Variants in ZNF148 observed in about 807,000 individuals in gnomAD.
ZNF148 encodes Beta-Enolase Repressor Factor-1.
Under a neutral mutation model 67.7 loss-of-function variants are expected in ZNF148, and 7 were observed. That is an observed-to-expected ratio of 0.10 (90% CI 0.06 to 0.19). The LOEUF (loss-of-function observed/expected upper bound fraction) is 0.19, where lower values mean the gene tolerates loss of function less well. ZNF148 is among the 10% of genes least tolerant of loss of function. The pLI is 1.00. For missense variants in ZNF148, 583 were observed against 947.1 expected (o/e 0.62, Z 5.05); for synonymous variants, 333 against 330.7 (o/e 1.01, Z -0.08).
At chr3:125,252,442 G>A (rs1330047485) in intron 7 of ZNF148, among the ~76,000 whole-genome samples, 1 of 152,002 alleles carries the variant, frequency 6.6e-6, no homozygotes, top group Non-Finnish European at 1.5e-5. Context: ...GTGTAAGATA[G>A]AAAGTCAAGA....
chr3:125,319,135 G>A (rs1028030171), intron 3 of ZNF148, among the ~76,000 whole-genome samples: 2 of 152,118 alleles, frequency 1.3e-5, no homozygotes, highest in African/African-American at 2.4e-5. Flanking sequence ...TAAAAAGAAC[G>A]TAAATTATCT....
intron 5 of ZNF148, among the ~76,000 whole-genome samples, chr3:125,282,388 G>C (rs1938439164): frequency 6.6e-6 from 1 of 152,076 alleles, no homozygotes; most frequent in Non-Finnish European, 1.5e-5. Flanking sequence ...CATTACAACT[G>C]AAGAATTTTA....
At chr3:125,375,352 G>T (rs976772002), upstream of ZNF148, 1 of 152,516 alleles carries the variant, frequency 6.6e-6, no homozygotes, top group Non-Finnish European at 1.5e-5. Context: ...CGCCGCGGTC[G>T]CCGCCACTGC....
chr3:125,357,224 G>T lies in ZNF148; in HGVS notation c.-234+17878C>A, dbSNP rs372760591. 2.0e-5 allele frequency: 3 copies of T among 152,780 alleles called. No individual in the cohort carries two copies. In the East Asian group the frequency reaches 5.8e-4, roughly 29 times the overall value. The allele number at this position is 152,780 out of a possible 1,614,324, so 9.5% of individuals were successfully genotyped here. ...TCTGGGAGGTCCGGCCGCCGCAGACGACCCCGCCGAGGCCCAAAGTGCGCC... is the reference window on the plus strand; with the variant it reads ...TCTGGGAGGTCCGGCCGCCGCAGACTACCCCGCCGAGGCCCAAAGTGCGCC... On this transcript the variant is annotated intron_variant, in intron 1 of 8. Transcript: ENST00000360647.
rs75142525 is a variant in ZNF148 at position 125,246,192 on chromosome 3, G to A, written c.668-11863C>T. Among the ~76,000 whole-genome samples, 821 of 152,210 alleles carry A rather than the reference G, an allele frequency of 5.4e-3. 6 individuals carry two copies. The highest frequency in any genetic ancestry group is 0.019 in the African/African-American group (775 of 41,522). On this transcript the variant is annotated intron_variant, in intron 7 of 8. Coordinates refer to ENST00000360647, the MANE Select transcript of ZNF148 (RefSeq NM_021964.3). ...ATGTGAAAATTATTTTAATAATAAA[G>A]GGTCTTCATAAAATCTGGGTGAAAA...
intron 2 of ZNF148, among the ~76,000 whole-genome samples, chr3:125,327,500 A>C (rs75508621): frequency 7.9e-5 from 12 of 152,336 alleles, no homozygotes; most frequent in Non-Finnish European, 1.6e-4. Context: ...AAGTCTCACT[A>C]AACTTAAATG....
intron 7 of ZNF148, among the ~76,000 whole-genome samples, chr3:125,258,102 T>C (rs1456748316): frequency 8.1e-6 from 1 of 124,100 alleles, no homozygotes; most frequent in Non-Finnish European, 1.8e-5. Context: ...TCATATATAC[T>C]GTGGTAACTG....
chr3:125,367,993 G>A (rs1367444104), intron 1 of ZNF148, among the ~76,000 whole-genome samples: 1 of 152,156 alleles, frequency 6.6e-6, no homozygotes, highest in African/African-American at 2.4e-5. Flanking sequence ...CAGACTCTAG[G>A]TTCACTTTAG....
intron 7 of ZNF148, among the ~76,000 whole-genome samples, chr3:125,271,357 C>T (rs1937724233): frequency 6.6e-6 from 1 of 152,194 alleles, no homozygotes. Flanking sequence ...TCCGGTCTTA[C>T]CCCTACACCC....
rs1935974095 is a variant in ZNF148 at position 125,234,064 on chromosome 3, T to C, written c.787-125A>G. ...AATAACATACATAATTCCAAACAAA[T>C]TCACTGAGCCAATTTTCTATTATAA... On this transcript the variant is annotated intron_variant, in intron 8 of 8. Transcript: ENST00000360647. 3 of 1,322,720 alleles carry C rather than the reference T, an allele frequency of 2.3e-6. No individual in the cohort carries two copies. The South Asian group carries it at 4.6e-5, about 20-fold the overall frequency. 81.9% of individuals were successfully genotyped at this position (1,322,720 alleles called of 1,614,324 possible).
In ZNF148 at chr3:125,288,036, T is replaced by G. The variant is rs887609920; in HGVS notation, c.459+67A>C. On this transcript the variant is annotated intron_variant, in intron 5 of 8. Transcript: ENST00000360647. Reference sequence around the variant, plus strand: ...CTGCCTTAGGGTCCAGCCAGGTTCTTGCCTATAGAATTAACCAACAGTTGG... The same window carrying G: ...CTGCCTTAGGGTCCAGCCAGGTTCTGGCCTATAGAATTAACCAACAGTTGG... 1.9e-6 allele frequency: 3 copies of G among 1,606,710 alleles called. No homozygotes were observed. The African/African-American group carries it at 4.0e-5, about 22-fold the overall frequency.
At chr3:125,308,538 A>C (rs1231431374) in intron 4 of ZNF148, among the ~76,000 whole-genome samples, 3 of 128,488 alleles carry the variant, frequency 2.3e-5, no homozygotes, top group East Asian at 2.1e-4. Context: ...AAAAAAAAAA[A>C]AACAAAAACC....
chr3:125,257,200 T>G (rs773834025), intron 7 of ZNF148, among the ~76,000 whole-genome samples: 13 of 152,134 alleles, frequency 8.5e-5, no homozygotes, highest in Admixed American at 1.3e-4. Flanking sequence ...GTAACTTTTA[T>G]TGGATGAGAA....
At chr3:125,260,130 A>C (rs1937269794) in intron 7 of ZNF148, among the ~76,000 whole-genome samples, 1 of 152,170 alleles carries the variant, frequency 6.6e-6, no homozygotes, top group Admixed American at 6.5e-5. Flanking sequence ...AAACAATTAC[A>C]ATAGTAACAT....
chr3:125,232,399 T>C lies in ZNF148; in HGVS notation c.2327A>G (p.Asp776Gly). 6.2e-7 allele frequency: 1 copy of C among 1,613,166 alleles called. No homozygotes were observed. Among genetic ancestry groups the C allele is most frequent in the Non-Finnish European group, 8.5e-7 (1 of 1,179,488 alleles). Residue 776 changes from aspartate (D) to glycine (G), a missense_variant, in exon 9 of 9, where the codon GAT becomes GGT. Asp to Gly is a moderately conservative substitution (Grantham distance 94, BLOSUM62 -1). Coordinates refer to ENST00000360647, the MANE Select transcript of ZNF148 (RefSeq NM_021964.3). The surrounding 1 kb of genome is among the most constrained non-coding windows in gnomAD (Gnocchi z 4.2). Reference protein sequence around the residue: ...FSEFPLVNVNDNRAGMTSSPD... With the variant: ...FSEFPLVNVNGNRAGMTSSPD... ...TGAAGATGTCATCCCAGCTCTATTA[T>C]CATTTACATTCACCAAGGGAAATTC...
At chr3:125,308,781 A>T (rs1940037700) in intron 4 of ZNF148, among the ~76,000 whole-genome samples, 2 of 152,208 alleles carry the variant, frequency 1.3e-5, no homozygotes, top group South Asian at 2.1e-4. Context: ...AGAAATGAAA[A>T]AAGACTTGTA....
At chr3:125,316,226 T>C (rs1460840671) in intron 3 of ZNF148, among the ~76,000 whole-genome samples, 4 of 152,160 alleles carry the variant, frequency 2.6e-5, no homozygotes, top group Non-Finnish European at 5.9e-5. Context: ...CATATGTACA[T>C]TTTCTTTATC....
At chr3:125,357,727 T>C (rs1430866426) in intron 1 of ZNF148, 1 of 152,278 alleles carries the variant, frequency 6.6e-6, no homozygotes, top group Non-Finnish European at 1.5e-5. Context: ...TGCTTGTCAA[T>C]ATCCTCACCT....
intron 1 of ZNF148, among the ~76,000 whole-genome samples, chr3:125,355,825 T>C (rs569925833): frequency 6.6e-6 from 1 of 152,298 alleles, no homozygotes; most frequent in South Asian, 2.1e-4. Context: ...GTGTGGCTAA[T>C]GTAGTAACAA....
Sources: allele counts gnomAD v4.1 joint callset (sites outside exome capture counted in the v4.1 genomes callset), GRCh38; gene constraint gnomAD v4.1.1; non-coding constraint Gnocchi (gnomAD v3.1); transcripts MANE v1.5; gene names NCBI Gene and HGNC (gene_info 2026-07-23, HGNC 2026-07-21).